PARVA: variants seen among roughly 807,000 people sequenced by gnomAD.
The protein encoded by PARVA is alpha-parvin.
PARVA carries 25 observed loss-of-function variants against 52.6 expected under a neutral mutation model. The observed-to-expected ratio is 0.48, with a 90% confidence interval of 0.35 to 0.66. The LOEUF (loss-of-function observed/expected upper bound fraction) is 0.66, where lower values mean the gene tolerates loss of function less well. Among genes scored for constraint, PARVA ranks in the 30% least tolerant of loss-of-function variants. The probability of loss-of-function intolerance (pLI) is 0.01; values close to 1 mark genes in which losing one functional copy is unlikely to be tolerated. For missense variants in PARVA, 373 were observed against 450.9 expected (o/e 0.83, Z 1.56); for synonymous variants, 185 against 179.1 (o/e 1.03, Z -0.26).
At chr11:12,448,142 A>G (rs1217600536) in intron 1 of PARVA, among the ~76,000 whole-genome samples, 1 of 152,186 alleles carries the variant, frequency 6.6e-6, no homozygotes, top group Non-Finnish European at 1.5e-5. Flanking sequence ...ACCTTACAGT[A>G]GAGATAACCA....
At chr11:12,476,004 A>G (rs1941009282) in intron 3 of PARVA, among the ~76,000 whole-genome samples, 1 of 152,144 alleles carries the variant, frequency 6.6e-6, no homozygotes, top group East Asian at 1.9e-4. Flanking sequence ...GGTAGGGGGA[A>G]AGGGGCTAGC....
rs1265566689 is a variant in PARVA, at chr11:12,527,699, C to G, written c.1043-150C>G. The G allele has an allele frequency of 1.3e-5, 9 of 694,018 alleles. No individual in the cohort carries two copies. In the Middle Eastern group the frequency reaches 1.0e-3, roughly 80 times the overall value. 43.0% of individuals were successfully genotyped at this position (694,018 alleles called of 1,614,324 possible). Reference sequence around the variant, plus strand: ...GCACCTCTACCCTCACTGCCCCCTGCTCTGAATTCTCGCTGCCCACTCTAC... The same window carrying G: ...GCACCTCTACCCTCACTGCCCCCTGGTCTGAATTCTCGCTGCCCACTCTAC... On this transcript the variant is annotated intron_variant, in intron 12 of 12. Coordinates refer to ENST00000334956, the MANE Select transcript of PARVA (RefSeq NM_018222.5).
Position 12,534,923 on chromosome 11 carries a change from A to G in PARVA, c.*6998A>G, listed in dbSNP as rs1161807281. 6.6e-6 allele frequency among the ~76,000 whole-genome samples: 1 copy of G among 152,210 alleles called. No individual in the cohort carries two copies. The highest frequency in any genetic ancestry group is 2.4e-5 in the African/African-American group (1 of 41,458). ...CCCCATCTTTCCTTATGTGTGTAATATTGGAGAATGTACACTCTCACTGAA... is the reference window on the plus strand; with the variant it reads ...CCCCATCTTTCCTTATGTGTGTAATGTTGGAGAATGTACACTCTCACTGAA... On this transcript the variant is annotated 3_prime_UTR_variant, in exon 13 of 13. Transcript: ENST00000334956.
At chr11:12,495,923 T>C (rs1363824689) in intron 4 of PARVA, among the ~76,000 whole-genome samples, 1 of 152,224 alleles carries the variant, frequency 6.6e-6, no homozygotes, top group Non-Finnish European at 1.5e-5. Flanking sequence ...AAACACAACC[T>C]GACTTTAAGG....
At chr11:12,471,002 G>C (rs1041599379) in intron 1 of PARVA, among the ~76,000 whole-genome samples, 2 of 152,194 alleles carry the variant, frequency 1.3e-5, no homozygotes, top group African/African-American at 4.8e-5. Context: ...ATTGGGTCCT[G>C]GTTTGGAGGC....
intron 4 of PARVA, among the ~76,000 whole-genome samples, chr11:12,489,390 A>G (rs1564860536): frequency 6.6e-6 from 1 of 152,146 alleles, no homozygotes. Flanking sequence ...CAGCTAAAGA[A>G]GGAATTAATG....
chr11:12,417,997 G>T (rs953802986), intron 1 of PARVA, among the ~76,000 whole-genome samples: 31 of 152,234 alleles, frequency 2.0e-4, no homozygotes, highest in African/African-American at 6.5e-4. Flanking sequence ...CCTAAGGCTG[G>T]CTTGGAGTGG....
Position 12,528,341 on chromosome 11 carries a change from A to G in PARVA, c.*416A>G, listed in dbSNP as rs190595780. 1.3e-3 allele frequency: 212 copies of G among 169,006 alleles called. No homozygotes were observed. Among genetic ancestry groups the G allele is most frequent in the Non-Finnish European group, 2.2e-3 (176 of 78,420 alleles). 10.5% of individuals were successfully genotyped at this position (169,006 alleles called of 1,614,324 possible). A position where few individuals can be genotyped will look rare whatever the true frequency, so the allele number is the denominator to read the frequency against. ...ATACTCAAGGCCATTAATCTTCAGGACTCCCATTGACGTAGGTGTTTCATT... is the reference window on the plus strand; with the variant it reads ...ATACTCAAGGCCATTAATCTTCAGGGCTCCCATTGACGTAGGTGTTTCATT... On this transcript the variant is annotated 3_prime_UTR_variant, in exon 13 of 13. Coordinates refer to ENST00000334956, the MANE Select transcript of PARVA (RefSeq NM_018222.5).
At chr11:12,453,677 G>C (rs956345277) in intron 1 of PARVA, among the ~76,000 whole-genome samples, 15 of 152,282 alleles carry the variant, frequency 9.9e-5, no homozygotes, top group African/African-American at 3.6e-4. Context: ...TCCACCCATA[G>C]GTTAAACATG....
chr11:12,522,531 GC>G (rs1309594302), intron 12 of PARVA, among the ~76,000 whole-genome samples: 36 of 148,770 alleles, frequency 2.4e-4, no homozygotes, highest in Middle Eastern at 3.6e-3. Context: ...AGATTCTCCT[GC>G]CTCAGCCTCC....
At chr11:12,496,834 T>C (rs1446298710) in intron 5 of PARVA, among the ~76,000 whole-genome samples, 1 of 152,206 alleles carries the variant, frequency 6.6e-6, no homozygotes, top group Non-Finnish European at 1.5e-5. Flanking sequence ...AGGCTTTGCA[T>C]AGAAACCTCA....
At chr11:12,496,918 A>G (rs1941306713) in intron 5 of PARVA, among the ~76,000 whole-genome samples, 1 of 152,224 alleles carries the variant, frequency 6.6e-6, no homozygotes, top group African/African-American at 2.4e-5. Flanking sequence ...CTTTTGAGAA[A>G]GCTGTTGTCT....
At position 12,473,782 on chromosome 11, in the gene PARVA, C is replaced by T. The variant is rs749846097; in HGVS notation, c.174C>T (p.Asn58=). The change falls in exon 2 of 13, where the codon AAC becomes AAT. Residue 58 remains asparagine (N), a synonymous_variant. Coordinates refer to ENST00000334956, the MANE Select transcript of PARVA (RefSeq NM_018222.5). The part of the protein sequence containing the change: ...ELQEEGMNAI[N]LPLSPIPFEL... ...AGGAGGAGGGAATGAACGCCATCAACCTGCCCCTCAGCCCAATTCCCTTTG... is the reference window on the plus strand; with the variant it reads ...AGGAGGAGGGAATGAACGCCATCAATCTGCCCCTCAGCCCAATTCCCTTTG... 16 of 1,570,370 alleles carry T rather than the reference C, an allele frequency of 1.0e-5. 1 individual carries two copies. In the South Asian group the frequency reaches 1.8e-4, roughly 17 times the overall value.
At chr11:12,508,872 A>G (rs1019780561) in intron 7 of PARVA, among the ~76,000 whole-genome samples, 2 of 152,044 alleles carry the variant, frequency 1.3e-5, no homozygotes, top group Non-Finnish European at 2.9e-5. Context: ...GTGATTGAAA[A>G]CTTCTAATTT....
intron 1 of PARVA, among the ~76,000 whole-genome samples, chr11:12,423,009 A>G (rs1453882190): frequency 1.3e-5 from 2 of 152,032 alleles, no homozygotes; most frequent in Non-Finnish European, 2.9e-5. Context: ...TCCTGCCACC[A>G]TGCCCAACTA....
chr11:12,422,422 T>C (rs1940163319), intron 1 of PARVA, among the ~76,000 whole-genome samples: 1 of 152,256 alleles, frequency 6.6e-6, no homozygotes, highest in Non-Finnish European at 1.5e-5. Flanking sequence ...GTTAGACAAC[T>C]GAGAGAAACA....
intron 1 of PARVA, among the ~76,000 whole-genome samples, chr11:12,417,176 T>C (rs1179668951): frequency 6.6e-6 from 1 of 152,200 alleles, no homozygotes; most frequent in Non-Finnish European, 1.5e-5. Flanking sequence ...ATTCCACCTT[T>C]AGGAATTTAT....
At chr11:12,434,582 A>G (rs1940362520) in intron 1 of PARVA, among the ~76,000 whole-genome samples, 1 of 152,180 alleles carries the variant, frequency 6.6e-6, no homozygotes, top group African/African-American at 2.4e-5. Context: ...CTGAACACAT[A>G]GTGCCCTCTG....
At chr11:12,409,142 A>G (rs1939956382) in intron 1 of PARVA, among the ~76,000 whole-genome samples, 1 of 152,236 alleles carries the variant, frequency 6.6e-6, no homozygotes, top group African/African-American at 2.4e-5. Context: ...TTAGCAAGTG[A>G]GTGACCAGTT....
Sources: gnomAD v4.1 joint callset for allele counts (sites outside exome capture counted in the v4.1 genomes callset) on GRCh38, gnomAD v4.1.1 for gene constraint, MANE v1.5 for transcripts, NCBI Gene and HGNC (gene_info 2026-07-23, HGNC 2026-07-21) for gene names.